LARGE1: variants seen among roughly 807,000 people sequenced by gnomAD.
LARGE1 encodes the protein LARGE xylosyl- and glucuronyltransferase 1, also known as xylosyl- and glucuronyltransferase LARGE1.
Under a neutral mutation model 87.6 loss-of-function variants are expected in LARGE1, and 43 were observed. The ratio of observed to expected loss-of-function variants is 0.49; its 90% CI spans 0.38 to 0.63. LARGE1 has a LOEUF of 0.63. Among genes scored for constraint, LARGE1 ranks in the 30% least tolerant of loss-of-function variants. The pLI, the probability that LARGE1 is intolerant of heterozygous loss-of-function variation, is 0.00. For missense variants in LARGE1, 802 were observed against 1,000.2 expected, an observed-to-expected ratio of 0.80 and a Z score of 2.67; for synonymous variants, 434 against 394.6, an observed-to-expected ratio of 1.10 and a Z score of -1.18.
chr22:33,127,918 T>C, the LARGE1 span, among the ~76,000 whole-genome samples: 1 of 152,228 alleles, frequency 6.6e-6, no homozygotes, highest in Non-Finnish European at 1.5e-5. Context: ...TAAGTTAATG[T>C]TGTTCATCAT....
intron 11 of LARGE1, among the ~76,000 whole-genome samples, chr22:33,203,101 C>CTCTCTG (rs1491374858): frequency 9.2e-6 from 1 of 108,536 alleles, no homozygotes; most frequent in African/African-American, 2.9e-5. Context: ...CTCTCTCTCT[C>CTCTCTG]TGTGTGTGTG....
intron 2 of LARGE1, among the ~76,000 whole-genome samples, chr22:33,659,980 A>T (rs1443723499): frequency 6.6e-6 from 1 of 152,102 alleles, no homozygotes; most frequent in Non-Finnish European, 1.5e-5. Context: ...TTAGACTACA[A>T]ATGCTTGAAG....
intron 6 of LARGE1, among the ~76,000 whole-genome samples, chr22:33,499,600 A>C (rs997707716): frequency 5.9e-5 from 9 of 152,138 alleles, no homozygotes; most frequent in African/African-American, 2.2e-4. Context: ...CACCTGTCCT[A>C]TCTCTGTTTT....
chr22:33,384,088 A>AT, intron 8 of LARGE1, 104 bp downstream of exon 8: 1 of 863,506 alleles, frequency 1.2e-6, no homozygotes, highest in African/African-American at 1.6e-5. Flanking sequence ...ACAGAGTCAC[A>AT]CAATACGTAG....
chr22:33,560,781 A>G (rs2077831694), intron 6 of LARGE1, among the ~76,000 whole-genome samples: 1 of 151,924 alleles, frequency 6.6e-6, no homozygotes, highest in Non-Finnish European at 1.5e-5. Flanking sequence ...TGAGCATGAA[A>G]AGTAATTTAA....
At chr22:33,678,573 G>A (rs1165868495) in intron 2 of LARGE1, among the ~76,000 whole-genome samples, 1 of 152,164 alleles carries the variant, frequency 6.6e-6, no homozygotes, top group Non-Finnish European at 1.5e-5. Context: ...GTGGTTCTTA[G>A]GAGACGAGAA....
intron 5 of LARGE1, among the ~76,000 whole-genome samples, chr22:33,575,917 C>G (rs1405698109): frequency 1.3e-5 from 2 of 152,166 alleles, no homozygotes; most frequent in East Asian, 3.8e-4. Context: ...GTCACTGGAG[C>G]ATTTACAGAC....
At chr22:33,486,354 T>C (rs1207123596) in intron 6 of LARGE1, among the ~76,000 whole-genome samples, 1 of 152,210 alleles carries the variant, frequency 6.6e-6, no homozygotes, top group African/African-American at 2.4e-5. Flanking sequence ...CACCTATCCC[T>C]CCTTCCACTG....
At chr22:33,123,167 C>T in the LARGE1 span, among the ~76,000 whole-genome samples, 9 of 152,212 alleles carry the variant, frequency 5.9e-5, no homozygotes, top group South Asian at 1.9e-3. Flanking sequence ...TGTTATGAGC[C>T]AGACACATTT....
At chr22:33,254,057 A>G (rs1181377366) in intron 11 of LARGE1, among the ~76,000 whole-genome samples, 1 of 152,166 alleles carries the variant, frequency 6.6e-6, no homozygotes, top group African/African-American at 2.4e-5. Context: ...AAGCTACCCA[A>G]AGTGGGAGCA....
At chr22:33,852,722 G>A (rs748293057) in intron 1 of LARGE1, among the ~76,000 whole-genome samples, 3 of 151,712 alleles carry the variant, frequency 2.0e-5, no homozygotes, top group South Asian at 2.1e-4. Context: ...CGGGCGTGGC[G>A]GCGTACACCT....
intron 6 of LARGE1, among the ~76,000 whole-genome samples, chr22:33,446,848 A>G (rs770620962): frequency 9.9e-5 from 15 of 152,160 alleles, no homozygotes; most frequent in Non-Finnish European, 1.8e-4. Context: ...GTTGAGTGAC[A>G]CGGCAGTGTT....
intron 2 of LARGE1, among the ~76,000 whole-genome samples, chr22:33,739,962 T>G (rs766918201): frequency 2.0e-5 from 3 of 152,086 alleles, no homozygotes; most frequent in Non-Finnish European, 4.4e-5. Flanking sequence ...CAAAAGCCAA[T>G]AGAGAAATTT....
chr22:33,894,669 G>A (rs746664170), intron 1 of LARGE1, among the ~76,000 whole-genome samples: 7 of 152,052 alleles, frequency 4.6e-5, no homozygotes, highest in Admixed American at 1.3e-4. Context: ...GGGCTTTGGA[G>A]TTCTCATCCT....
chr22:33,781,849 T>C (rs932891346), intron 1 of LARGE1, among the ~76,000 whole-genome samples: 3 of 152,004 alleles, frequency 2.0e-5, no homozygotes, highest in Non-Finnish European at 2.9e-5. Context: ...CTGATAAAAA[T>C]AGAAAGCAAT....
rs139379298 is a variant in LARGE1 at position 33,275,372 on chromosome 22, T to G, written c.2074-748A>C. Among the ~76,000 whole-genome samples, 21 of 152,308 alleles carry G rather than the reference T, an allele frequency of 1.4e-4. No individual in the cohort carries two copies. The East Asian group carries it at 3.7e-3, about 27-fold the overall frequency. Reference sequence around the variant, plus strand: ...TCTATTTACTCTCATTTTGGACATATTGTCTGACAAGCTTTTGTTATCTAG... The same window carrying G: ...TCTATTTACTCTCATTTTGGACATAGTGTCTGACAAGCTTTTGTTATCTAG... On this transcript the variant is annotated intron_variant, in intron 14 of 14. Transcript: ENST00000397394.
At chr22:33,115,301 G>T in the LARGE1 span, among the ~76,000 whole-genome samples, 20 of 152,196 alleles carry the variant, frequency 1.3e-4, no homozygotes, top group Admixed American at 7.8e-4. Context: ...AGGCCAGGCC[G>T]GGCACAGTGG....
intron 6 of LARGE1, among the ~76,000 whole-genome samples, chr22:33,540,614 G>A (rs991372552): frequency 6.6e-6 from 1 of 152,100 alleles, no homozygotes; most frequent in Non-Finnish European, 1.5e-5. Flanking sequence ...GCAGATCCTG[G>A]GATAGCAACC....
chr22:33,912,146 T>C (rs2065656384), intron 1 of LARGE1, among the ~76,000 whole-genome samples: 1 of 152,146 alleles, frequency 6.6e-6, no homozygotes, highest in South Asian at 2.1e-4. Context: ...AGAGCTGACA[T>C]CAGTCAAGAA....
Sources: allele counts gnomAD v4.1 joint callset (sites outside exome capture counted in the v4.1 genomes callset), GRCh38; gene constraint gnomAD v4.1.1; transcripts MANE v1.5; gene names NCBI Gene and HGNC (gene_info 2026-07-23, HGNC 2026-07-21).